Variants in PLXNA2 observed in about 807,000 individuals in gnomAD.
The protein encoded by PLXNA2 is plexin A2, also known as plexin-A2.
Under a neutral mutation model 193.5 loss-of-function variants are expected in PLXNA2, and 91 were observed. The ratio of observed to expected loss-of-function variants is 0.47; its 90% CI spans 0.40 to 0.56. PLXNA2 has a LOEUF of 0.56. Ranked by LOEUF, PLXNA2 falls within the 20% of genes least tolerant of loss-of-function variation. The pLI is 0.00. For missense variants in PLXNA2, 1,995 were observed against 2,503.2 expected, an observed-to-expected ratio of 0.80 and a Z score of 4.33; for synonymous variants, 997 against 1,027.3, an observed-to-expected ratio of 0.97 and a Z score of 0.56.
chr1:208,213,877 C>T (rs1032766160), intron 2 of PLXNA2, among the ~76,000 whole-genome samples: 2 of 152,218 alleles, frequency 1.3e-5, no homozygotes, highest in Non-Finnish European at 2.9e-5. Flanking sequence ...CACCTCTCTC[C>T]CAGTGCCTTT....
At chr1:208,178,614 G>A (rs1364194085) in intron 3 of PLXNA2, among the ~76,000 whole-genome samples, 3 of 152,160 alleles carry the variant, frequency 2.0e-5, no homozygotes, top group African/African-American at 4.8e-5. Context: ...CACTGCACCT[G>A]GGCCCTTGGC....
chr1:208,161,484 C>T (rs1390002258), intron 3 of PLXNA2, among the ~76,000 whole-genome samples: 1 of 152,142 alleles, frequency 6.6e-6, no homozygotes, highest in Non-Finnish European at 1.5e-5. Flanking sequence ...TAAAACATCT[C>T]TCAAATTAAA....
chr1:208,198,541 C>T (rs1670432751), intron 3 of PLXNA2, among the ~76,000 whole-genome samples: 1 of 152,170 alleles, frequency 6.6e-6, no homozygotes, highest in Non-Finnish European at 1.5e-5. Context: ...AAGGCTGCCA[C>T]CCCGCGCATT....
rs190314120 is a variant in PLXNA2, at chr1:208,068,171, G to A, written c.2587-7334C>T. On this transcript the variant is annotated intron_variant, in intron 12 of 31. Transcript: ENST00000367033. ...TTCTTAGGAAACTAATCCTTAGCAC[G>A]CTGCCTGGAACGAGTAACTGTCAAT... Among the ~76,000 whole-genome samples, 3 of 152,144 alleles carry A rather than the reference G, an allele frequency of 2.0e-5. No individual in the cohort carries two copies. In the East Asian group the frequency reaches 5.8e-4, roughly 29 times the overall value.
intron 20 of PLXNA2, among the ~76,000 whole-genome samples, chr1:208,043,475 A>T (rs979798865): frequency 5.3e-5 from 8 of 152,158 alleles, no homozygotes; most frequent in Non-Finnish European, 7.4e-5. Flanking sequence ...AGGAAAAAAA[A>T]GTATCATGAT....
intron 3 of PLXNA2, among the ~76,000 whole-genome samples, chr1:208,161,704 G>A (rs1669110738): frequency 6.6e-6 from 1 of 152,006 alleles, no homozygotes; most frequent in African/African-American, 2.4e-5. Context: ...CTTAATTTCA[G>A]GGTGCTTTGG....
chr1:208,194,167 T>C (rs2102569929), intron 3 of PLXNA2, among the ~76,000 whole-genome samples: 1 of 152,038 alleles, frequency 6.6e-6, no homozygotes, highest in Non-Finnish European at 1.5e-5. Context: ...CCCTGGTATG[T>C]TGTGCTCAGG....
chr1:208,068,389 G>GT (rs1339969605), intron 12 of PLXNA2, among the ~76,000 whole-genome samples: 1 of 152,102 alleles, frequency 6.6e-6, no homozygotes, highest in Non-Finnish European at 1.5e-5. Context: ...CCAATTTCTG[G>GT]TTTGATTCCT....
intron 1 of PLXNA2, among the ~76,000 whole-genome samples, chr1:208,218,863 A>G (rs1292587588): frequency 2.0e-5 from 3 of 152,238 alleles, no homozygotes; most frequent in Non-Finnish European, 4.4e-5. Flanking sequence ...CTCTGCAGGC[A>G]GAGCACATGG....
chr1:208,053,522 G>C (rs1259096995), intron 14 of PLXNA2, among the ~76,000 whole-genome samples: 1 of 152,182 alleles, frequency 6.6e-6, no homozygotes, highest in Non-Finnish European at 1.5e-5. Flanking sequence ...AAGATAAGAA[G>C]GCAGAGGCTA....
In PLXNA2 at chr1:208,165,420, G is replaced by C. The variant is rs181930181; in HGVS notation, c.1372-22957C>G. Among the ~76,000 whole-genome samples the C allele has an allele frequency of 1.3e-3, 205 of 152,300 alleles. 1 individual carries two copies. Among genetic ancestry groups the C allele is most frequent in the African/African-American group, 4.7e-3 (197 of 41,558 alleles). On this transcript the variant is annotated intron_variant, in intron 3 of 31. Transcript: ENST00000367033. ...CCGGTTTTATATTTGGGGAAACAAGGCTCTGAGAGTTTATGAGACTTGCCC... is the reference window on the plus strand; with the variant it reads ...CCGGTTTTATATTTGGGGAAACAAGCCTCTGAGAGTTTATGAGACTTGCCC...
intron 14 of PLXNA2, among the ~76,000 whole-genome samples, chr1:208,053,400 A>T (rs1409067296): frequency 1.3e-5 from 2 of 152,158 alleles, no homozygotes; most frequent in African/African-American, 4.8e-5. Flanking sequence ...TGCTTCTCAC[A>T]CAAATGCCCA....
At position 208,028,720 on chromosome 1, in the gene PLXNA2, C is replaced by G. The variant is rs1571837399; in HGVS notation, c.5438+110G>C. ...TGTGGCAGGGAGGGGAGTGGGAGGTCCTGAAGAGATGACAGACACCGTCGT... is the reference window on the plus strand; with the variant it reads ...TGTGGCAGGGAGGGGAGTGGGAGGTGCTGAAGAGATGACAGACACCGTCGT... On this transcript the variant is annotated intron_variant, in intron 30 of 31. Transcript: ENST00000367033. The surrounding 1 kb of genome is among the most constrained non-coding windows in gnomAD (Gnocchi z 4.2). 1 of 1,003,856 alleles carries G rather than the reference C, an allele frequency of 1.0e-6. No homozygotes were observed. Among genetic ancestry groups the G allele is most frequent in the Non-Finnish European group, 1.5e-6 (1 of 676,522 alleles). 62.2% of individuals were successfully genotyped at this position (1,003,856 alleles called of 1,614,324 possible).
chr1:208,071,110 G>A (rs1665962575), intron 12 of PLXNA2, among the ~76,000 whole-genome samples: 1 of 152,208 alleles, frequency 6.6e-6, no homozygotes, highest in Non-Finnish European at 1.5e-5. Flanking sequence ...TCCAGCAGGT[G>A]ATCAGTCCCC....
intron 22 of PLXNA2, 121 bp from the exon 23 acceptor site, chr1:208,040,179 T>A: frequency 1.3e-6 from 1 of 756,642 alleles, no homozygotes; most frequent in South Asian, 1.7e-5. Context: ...AGGGCGGGAG[T>A]CAGGACACCT....
At chr1:208,029,720 T>A (rs1664444337) in intron 29 of PLXNA2, 1 of 985,976 alleles carries the variant, frequency 1.0e-6, no homozygotes, top group African/African-American at 1.7e-5. Flanking sequence ...GAGGAACCGA[T>A]CAGTAGTTAG....
chr1:208,098,458 T>TCTCTCTCA (rs368366958), intron 6 of PLXNA2, among the ~76,000 whole-genome samples: 36 of 123,522 alleles, frequency 2.9e-4, no homozygotes, highest in Admixed American at 7.5e-4. Context: ...TCTCTCTCTC[T>TCTCTCTCA]CACACACACA....
intron 26 of PLXNA2, among the ~76,000 whole-genome samples, chr1:208,037,859 G>A (rs1001396327): frequency 3.3e-5 from 5 of 152,014 alleles, no homozygotes; most frequent in African/African-American, 9.7e-5. Context: ...TTACACATGA[G>A]AGACAAGAAA....
rs193200286 is a variant in PLXNA2, at chr1:208,107,252, T to C, written c.1507-4005A>G. Among the ~76,000 whole-genome samples the C allele has an allele frequency of 9.9e-5, 15 of 152,158 alleles. No homozygotes were observed. In the East Asian group the frequency reaches 2.7e-3, roughly 27 times the overall value. On this transcript the variant is annotated intron_variant, in intron 4 of 31. Transcript: ENST00000367033. ...GGTCCAGGAAATGGGTCTTAACAAC[T>C]CTCCAACCGATTCTTACGCAGGCCA...
Sources: allele counts gnomAD v4.1 joint callset (sites outside exome capture counted in the v4.1 genomes callset), GRCh38; gene constraint gnomAD v4.1.1; non-coding constraint Gnocchi (gnomAD v3.1); transcripts MANE v1.5; gene names NCBI Gene and HGNC (gene_info 2026-07-23, HGNC 2026-07-21).